PID1: variants seen among roughly 807,000 people sequenced by gnomAD.
The protein encoded by PID1 is phosphotyrosine interaction domain containing 1.
Under a neutral mutation model 19.1 loss-of-function variants are expected in PID1, and 10 were observed. The ratio of observed to expected loss-of-function variants is 0.52; its 90% CI spans 0.32 to 0.89. The LOEUF is 0.89. Among genes scored for constraint, PID1 ranks in the 40% least tolerant of loss-of-function variants. The pLI is 0.03. For synonymous variants in PID1, 130 were observed against 116.0 expected (o/e 1.12, Z -0.78); for missense variants, 248 against 285.3 (o/e 0.87, Z 0.94).
chr2:229,142,484 T>C (rs62190385), intron 2 of PID1, among the ~76,000 whole-genome samples: 32,991 of 152,010 alleles, frequency 0.22, 4,037 homozygotes, highest in South Asian at 0.48. Context: ...CAGTAACATA[T>C]CAGGGGTTTC....
intron 2 of PID1, among the ~76,000 whole-genome samples, chr2:229,075,989 C>T (rs1694549452): frequency 6.6e-6 from 1 of 152,124 alleles, no homozygotes; most frequent in Non-Finnish European, 1.5e-5. Flanking sequence ...GATTCACTTC[C>T]AGAAGCAGCA....
intron 1 of PID1, among the ~76,000 whole-genome samples, chr2:229,201,425 G>T (rs537252013): frequency 6.6e-6 from 1 of 151,946 alleles, no homozygotes; most frequent in Non-Finnish European, 1.5e-5. Flanking sequence ...TGCCCTCAAG[G>T]TTCATCCATG....
At chr2:229,246,184 T>A (rs1689997497) in intron 1 of PID1, among the ~76,000 whole-genome samples, 1 of 152,178 alleles carries the variant, frequency 6.6e-6, no homozygotes, top group African/African-American at 2.4e-5. Context: ...TAGGTAATTA[T>A]CAATTATCTT....
chr2:229,221,378 T>C (rs770487468), intron 1 of PID1, among the ~76,000 whole-genome samples: 8 of 152,188 alleles, frequency 5.3e-5, no homozygotes, highest in Admixed American at 2.0e-4. Context: ...CATGCTCCAC[T>C]GTAACCTGCA....
chr2:229,098,465 T>C (rs73101233), intron 2 of PID1, among the ~76,000 whole-genome samples: 10,483 of 152,228 alleles, frequency 0.069, 498 homozygotes, highest in South Asian at 0.12. Context: ...CTAAAGCACA[T>C]TAAATATTCT....
At chr2:229,115,402 GA>G (rs59442124) in intron 2 of PID1, among the ~76,000 whole-genome samples, 45 of 120,608 alleles carry the variant, frequency 3.7e-4, no homozygotes, top group African/African-American at 7.3e-4. Flanking sequence ...CTACTCTGGA[GA>G]AAAAAAAAAA....
At chr2:229,090,897 C>G (rs991923543) in intron 2 of PID1, among the ~76,000 whole-genome samples, 2 of 152,166 alleles carry the variant, frequency 1.3e-5, no homozygotes, top group Non-Finnish European at 2.9e-5. Flanking sequence ...GGGAGTAAAA[C>G]AGAGAACCGG....
At chr2:229,139,051 AAG>A (rs71420301) in intron 2 of PID1, among the ~76,000 whole-genome samples, 1 of 68,548 alleles carries the variant, frequency 1.5e-5, no homozygotes, top group African/African-American at 5.3e-5. Context: ...GAAAGAAAGA[AAG>A]AAAGAGAAAG....
intron 2 of PID1, among the ~76,000 whole-genome samples, chr2:229,104,747 GCT>G (rs1695140143): frequency 6.6e-6 from 1 of 152,174 alleles, no homozygotes; most frequent in African/African-American, 2.4e-5. Flanking sequence ...GCCTCTCTGG[GCT>G]GACTTTCTTA....
At chr2:229,102,307 C>T (rs1695088098) in intron 2 of PID1, among the ~76,000 whole-genome samples, 1 of 151,684 alleles carries the variant, frequency 6.6e-6, no homozygotes, top group Non-Finnish European at 1.5e-5. Context: ...TTTAAAGACT[C>T]ATCACAAATA....
chr2:229,131,853 T>A (rs1689747416), intron 2 of PID1, among the ~76,000 whole-genome samples: 1 of 152,172 alleles, frequency 6.6e-6, no homozygotes, highest in Non-Finnish European at 1.5e-5. Context: ...AATATTCATT[T>A]ATCTCAATAT....
intron 1 of PID1, among the ~76,000 whole-genome samples, chr2:229,235,826 A>G (rs886385523): frequency 7.2e-5 from 11 of 152,188 alleles, no homozygotes; most frequent in African/African-American, 2.4e-4. Flanking sequence ...ACAGACCTCC[A>G]TGGAAAGAGA....
intron 1 of PID1, among the ~76,000 whole-genome samples, chr2:229,243,939 T>C (rs1421484610): frequency 1.3e-5 from 2 of 152,120 alleles, no homozygotes; most frequent in Non-Finnish European, 2.9e-5. Context: ...TTTTAAAAAA[T>C]CATCTTATCT....
At chr2:229,068,636 T>A (rs1371177255) in intron 2 of PID1, among the ~76,000 whole-genome samples, 1 of 152,104 alleles carries the variant, frequency 6.6e-6, no homozygotes, top group Non-Finnish European at 1.5e-5. Context: ...TTCCTTGAGG[T>A]GAAAAGCGAG....
At chr2:229,246,754 G>T (rs1416860706) in intron 1 of PID1, among the ~76,000 whole-genome samples, 13 of 152,298 alleles carry the variant, frequency 8.5e-5, no homozygotes, top group Non-Finnish European at 1.5e-5. Context: ...ACTGGGAATA[G>T]TTAAAATTTC....
intron 2 of PID1, among the ~76,000 whole-genome samples, chr2:229,063,961 C>A (rs900263586): frequency 8.6e-5 from 13 of 151,898 alleles, no homozygotes; most frequent in East Asian, 3.9e-4. Flanking sequence ...TCAGAGAGCT[C>A]CAGACTCAGA....
Position 229,025,875 on chromosome 2 carries a change from G to T in PID1, c.411C>A (p.Thr137=). The change falls in exon 3 of 3, where the codon ACC becomes ACA. Residue 137 remains threonine (T), a synonymous_variant. Transcript: ENST00000392055. The stretch of plus-strand genomic sequence containing the variant: ...TGTTGGGGCTCACGTTGTGGTCGGC[G>T]GTGCAGTAGGCGATGCGGGCCACCT... ...TFQVARIAYC[T]ADHNVSPNIF... is the part of the protein sequence containing the mutation. 1 of 1,614,216 alleles carries T rather than the reference G, an allele frequency of 6.2e-7. No homozygotes were observed. The highest frequency in any genetic ancestry group is 8.5e-7 in the Non-Finnish European group (1 of 1,180,026).
chr2:229,097,253 C>G (rs778278365), intron 2 of PID1, among the ~76,000 whole-genome samples: 1 of 152,078 alleles, frequency 6.6e-6, no homozygotes, highest in Non-Finnish European at 1.5e-5. Flanking sequence ...AGTAACAACC[C>G]CCTCGCCCCG....
chr2:229,203,058 C>T (rs529399858), intron 1 of PID1, among the ~76,000 whole-genome samples: 29 of 152,202 alleles, frequency 1.9e-4, no homozygotes, highest in Non-Finnish European at 3.7e-4. Context: ...AATTCAGTAT[C>T]AGAGTCCTTT....
Sources: gnomAD v4.1 joint callset for allele counts (sites outside exome capture counted in the v4.1 genomes callset) on GRCh38, gnomAD v4.1.1 for gene constraint, MANE v1.5 for transcripts, NCBI Gene and HGNC (gene_info 2026-07-23, HGNC 2026-07-21) for gene names.